Variants in ANK2 observed in about 807,000 individuals in gnomAD.
ANK2 encodes ankyrin 2, also known as ankyrin-2.
A neutral mutation model predicts 360.5 loss-of-function variants in ANK2; 83 were observed. The observed-to-expected ratio is 0.23, with a 90% confidence interval of 0.19 to 0.28. The LOEUF is 0.28. Among genes scored for constraint, ANK2 ranks in the 10% least tolerant of loss-of-function variants. ANK2 has a pLI of 1.00. For missense variants in ANK2, 4,201 were observed against 4,795.7 expected, an observed-to-expected ratio of 0.88 and a Z score of 3.66; for synonymous variants, 1,740 against 1,759.5, an observed-to-expected ratio of 0.99 and a Z score of 0.28.
intron 1 of ANK2, among the ~76,000 whole-genome samples, chr4:112,879,111 C>G (rs2076013656): frequency 6.6e-6 from 1 of 152,000 alleles, no homozygotes; most frequent in Non-Finnish European, 1.5e-5. Flanking sequence ...ATGAACAAAA[C>G]AAAACAAAAC....
At chr4:112,778,062 T>G in the ANK2 span, among the ~76,000 whole-genome samples, 1 of 151,998 alleles carries the variant, frequency 6.6e-6, no homozygotes, top group South Asian at 2.1e-4. Context: ...CTCTGCCTCC[T>G]GGGTTCAAGC....
At chr4:113,037,005 G>T (rs2061752052) in intron 2 of ANK2, among the ~76,000 whole-genome samples, 1 of 151,956 alleles carries the variant, frequency 6.6e-6, no homozygotes, top group South Asian at 2.1e-4. Context: ...TTAATTGGGA[G>T]CAGGGAAACT....
At chr4:113,022,190 C>T in intron 2 of ANK2, among the ~76,000 whole-genome samples, 1 of 152,128 alleles carries the variant, frequency 6.6e-6, no homozygotes, top group Non-Finnish European at 1.5e-5. Flanking sequence ...TTTGATAATA[C>T]AAATAAATGT....
intron 15 of ANK2, among the ~76,000 whole-genome samples, chr4:113,276,575 T>C (rs1248428642): frequency 1.5e-4 from 23 of 152,244 alleles, no homozygotes. Context: ...TTGTGTGCAT[T>C]GAGTGGAGGG....
Position 113,355,454 on chromosome 4 carries a change from AT to A in ANK2, c.6837del (p.Thr2281ArgfsTer33), listed in dbSNP as rs771281198. On this transcript the variant is annotated frameshift_variant, in exon 38 of 46. Coordinates refer to ENST00000357077, the MANE Select transcript of ANK2 (RefSeq NM_001148.6). LOFTEE classifies it high-confidence loss of function. ...TTTEIRSEKE[H>X]PTTKDITGGS... is the part of the protein sequence containing the mutation. ...ACAGAAATTCGTTCAGAAAAAGAGC[AT>A]CCCACGACCAAAGACATTACTGGTG... 1 of 1,613,984 alleles carries A rather than the reference AT, an allele frequency of 6.2e-7. No individual in the cohort carries two copies. The highest frequency in any genetic ancestry group is 1.1e-5 in the South Asian group (1 of 91,080).
intron 14 of ANK2, among the ~76,000 whole-genome samples, chr4:113,267,231 C>T (rs1461864654): frequency 6.6e-6 from 1 of 152,110 alleles, no homozygotes; most frequent in Non-Finnish European, 1.5e-5. Flanking sequence ...GTTTCTTTTG[C>T]TGTACAGAAG....
the ANK2 span, among the ~76,000 whole-genome samples, chr4:112,723,509 G>A: frequency 6.6e-6 from 1 of 152,208 alleles, no homozygotes; most frequent in African/African-American, 2.4e-5. Context: ...GATTACAGGT[G>A]ACCACCACCA....
At chr4:113,154,973 CT>C (rs1341258242) in intron 1 of ANK2, among the ~76,000 whole-genome samples, 1 of 152,156 alleles carries the variant, frequency 6.6e-6, no homozygotes, top group Non-Finnish European at 1.5e-5. Context: ...CAGATCTATT[CT>C]ACCCAGGATC....
chr4:113,332,993 G>T (rs2092812654), intron 28 of ANK2, 61 bp from the exon 29 acceptor site: 1 of 1,610,428 alleles, frequency 6.2e-7, no homozygotes. Context: ...CAGAGTCGAG[G>T]TGCTTGTCTT....
intron 2 of ANK2, among the ~76,000 whole-genome samples, chr4:112,968,919 C>T (rs1395108866): frequency 1.3e-5 from 2 of 152,034 alleles, no homozygotes; most frequent in Non-Finnish European, 2.9e-5. Flanking sequence ...GTGTCTTGGC[C>T]TCAGATTCAT....
At chr4:113,124,243 C>T (rs2095533130) in intron 1 of ANK2, among the ~76,000 whole-genome samples, 1 of 152,172 alleles carries the variant, frequency 6.6e-6, no homozygotes, top group African/African-American at 2.4e-5. Context: ...AGCTTAGCAG[C>T]CTTGGAGGCC....
In ANK2 at chr4:113,355,923, C is replaced by T; in HGVS notation, c.7305C>T (p.Asp2435=). 1 of 1,614,098 alleles carries T rather than the reference C, an allele frequency of 6.2e-7. No individual in the cohort carries two copies. Residue 2435 remains aspartate (D), a synonymous_variant, in exon 38 of 46, where the codon GAC becomes GAT. Coordinates refer to ENST00000357077, the MANE Select transcript of ANK2 (RefSeq NM_001148.6). ...ADDSLAVSHK[D]SLEASPVLED... ...ACTCATTAGCAGTGAGCCACAAAGA[C>T]TCTCTGGAAGCCAGCCCTGTGCTAG...
chr4:113,278,404 T>C (rs2153700383), intron 16 of ANK2, 56 bp from the exon 17 acceptor site: 6 of 1,483,154 alleles, frequency 4.0e-6, no homozygotes, highest in Non-Finnish European at 5.7e-6. Context: ...TCCTGGTAGC[T>C]TCAGGGCAGC....
chr4:112,820,989 G>A (rs1352670879), intron 1 of ANK2, among the ~76,000 whole-genome samples: 2 of 152,042 alleles, frequency 1.3e-5, no homozygotes, highest in Non-Finnish European at 2.9e-5. Flanking sequence ...TTGGCTCACC[G>A]CAACCTCCGC....
chr4:113,238,058 T>C (rs1242742214), intron 7 of ANK2, among the ~76,000 whole-genome samples: 1 of 152,174 alleles, frequency 6.6e-6, no homozygotes, highest in East Asian at 1.9e-4. Context: ...GTATGCTCTT[T>C]TTCTTTACCA....
rs779012880 is a variant in ANK2 at position 113,367,664 on chromosome 4, A to G, written c.11131A>G (p.Ile3711Val). The G allele has an allele frequency of 5.6e-6, 9 of 1,613,842 alleles. No individual in the cohort carries two copies. In the East Asian group the frequency reaches 8.9e-5, roughly 16 times the overall value. The change falls in exon 42 of 46, where the codon ATC (isoleucine) becomes GTC (valine). Residue 3711 changes from isoleucine (I) to valine (V), a missense_variant. Ile to Val is a conservative substitution (Grantham distance 29). Transcript: ENST00000357077. ...KESETCDHPP[I>V]VSEEDISVGY... ...AAGTGAGACCTGCGATCACCCTCCTATCGTCTCAGAGGAAGACATTTCTGT... is the reference window on the plus strand; with the variant it reads ...AAGTGAGACCTGCGATCACCCTCCTGTCGTCTCAGAGGAAGACATTTCTGT...
chr4:112,828,479 C>G (rs565958714), intron 1 of ANK2, among the ~76,000 whole-genome samples: 1 of 152,082 alleles, frequency 6.6e-6, no homozygotes, highest in Non-Finnish European at 1.5e-5. Context: ...GTGATCCACC[C>G]GCCTCGGACT....
intron 22 of ANK2, among the ~76,000 whole-genome samples, chr4:113,299,062 A>T (rs941181371): frequency 9.2e-5 from 14 of 152,214 alleles, no homozygotes; most frequent in Non-Finnish European, 4.4e-5. Context: ...AAAAATATCC[A>T]TGACCAATAT....
the ANK2 span, among the ~76,000 whole-genome samples, chr4:112,716,877 C>G: frequency 6.6e-6 from 1 of 152,206 alleles, no homozygotes; most frequent in Admixed American, 6.5e-5. Context: ...ACCCCCCTTT[C>G]CCCGTTTTGT....
Sources: allele counts gnomAD v4.1 joint callset (sites outside exome capture counted in the v4.1 genomes callset), GRCh38; gene constraint gnomAD v4.1.1; transcripts MANE v1.5; gene names NCBI Gene and HGNC (gene_info 2026-07-23, HGNC 2026-07-21).